The following PLPP3 variants were observed in gnomAD, a reference collection of about 807,000 sequenced individuals.
PLPP3 encodes PAP2 beta.
In PLPP3, 6 loss-of-function variants were observed where a neutral mutation model predicts 29.6. The observed-to-expected ratio is 0.20, with a 90% CI of 0.11 to 0.40. The LOEUF is 0.40. Ranked by LOEUF, PLPP3 falls within the 10% of genes least tolerant of loss-of-function variation. The pLI is 1.00. For missense variants in PLPP3, 308 were observed against 407.7 expected (o/e 0.76, Z 2.11); for synonymous variants, 152 against 159.7 (o/e 0.95, Z 0.36).
chr1:56,571,762 C>T (rs973973396), intron 1 of PLPP3, among the ~76,000 whole-genome samples: 2 of 151,040 alleles, frequency 1.3e-5, no homozygotes, highest in African/African-American at 5.0e-5. Flanking sequence ...GCTTTGATTG[C>T]ATTAATTGCA....
Position 56,540,451 on chromosome 1 carries a change from A to C in PLPP3, c.140-3339T>G, listed in dbSNP as rs1645960667. On this transcript the variant is annotated intron_variant, in intron 1 of 5. Coordinates refer to ENST00000371250, the MANE Select transcript of PLPP3 (RefSeq NM_003713.5). ...GAATGTTAAAAAGAGAAGGGAAAAA[A>C]GCCTCACAGAGAAGGCAAGGGAAAA... 2.6e-5 allele frequency among the ~76,000 whole-genome samples: 4 copies of C among 152,124 alleles called. No individual in the cohort carries two copies. The South Asian group carries it at 8.3e-4, about 32-fold the overall frequency.
At chr1:56,576,605 A>G (rs969941413) in intron 1 of PLPP3, among the ~76,000 whole-genome samples, 4 of 152,222 alleles carry the variant, frequency 2.6e-5, no homozygotes, top group African/African-American at 9.6e-5. Flanking sequence ...TTTTAATGGC[A>G]AAGCACCCCT....
chr1:56,506,696 G>A (rs867243483), intron 5 of PLPP3, among the ~76,000 whole-genome samples: 6 of 152,264 alleles, frequency 3.9e-5, no homozygotes, highest in South Asian at 4.1e-4. Context: ...CTGTTCCTTC[G>A]TCCTAGTCCC....
At chr1:56,532,073 T>G (rs1237583122) in intron 2 of PLPP3, among the ~76,000 whole-genome samples, 1 of 152,204 alleles carries the variant, frequency 6.6e-6, no homozygotes, top group African/African-American at 2.4e-5. Context: ...GAAGAATTGC[T>G]GCTGTTCTCA....
At chr1:56,574,321 C>T (rs1036638430) in intron 1 of PLPP3, among the ~76,000 whole-genome samples, 3 of 152,152 alleles carry the variant, frequency 2.0e-5, no homozygotes, top group Non-Finnish European at 4.4e-5. Flanking sequence ...ACAATCATGG[C>T]TCACTGCAGC....
chr1:56,553,315 C>G lies in PLPP3; in HGVS notation c.140-16203G>C, dbSNP rs140736895. ...ATGTCTGGGGAAGGGAGTGGCACGG[C>G]AAGGCTGTGTTTTAGAAAGTACACC... On this transcript the variant is annotated intron_variant, in intron 1 of 5. Transcript: ENST00000371250. Among the ~76,000 whole-genome samples, 1,281 of 152,244 alleles carry G rather than the reference C, an allele frequency of 8.4e-3. 13 individuals are homozygous for G. Among genetic ancestry groups the G allele is most frequent in the African/African-American group, 0.029 (1,223 of 41,538 alleles).
At chr1:56,529,297 C>T (rs1260035315) in intron 2 of PLPP3, among the ~76,000 whole-genome samples, 6 of 152,118 alleles carry the variant, frequency 3.9e-5, no homozygotes, top group African/African-American at 1.2e-4. Context: ...CCAATGGCAT[C>T]GAGCTGGCTT....
rs1645625002 is a variant in PLPP3 at position 56,495,407 on chromosome 1, T to C, written c.*1144A>G. 1 of 152,806 alleles carries C rather than the reference T, an allele frequency of 6.5e-6. No homozygotes were observed. The highest frequency in any genetic ancestry group is 2.1e-4 in the South Asian group (1 of 4,832). 9.5% of individuals were successfully genotyped at this position (152,806 alleles called of 1,614,324 possible). ...ACTCTCTACCGAGATTTAACCCATA[T>C]GTTCTGCCCAGCAGAACCTACCAAG... On this transcript the variant is annotated 3_prime_UTR_variant, in exon 6 of 6. Transcript: ENST00000371250.
At chr1:56,550,886 T>C (rs1646033648) in intron 1 of PLPP3, among the ~76,000 whole-genome samples, 1 of 152,284 alleles carries the variant, frequency 6.6e-6, no homozygotes, top group African/African-American at 2.4e-5. Context: ...TTTGTGGAAG[T>C]GGCCTTGAAA....
intron 1 of PLPP3, among the ~76,000 whole-genome samples, chr1:56,545,915 C>A (rs372751399): frequency 1.3e-5 from 2 of 152,148 alleles, no homozygotes; most frequent in South Asian, 2.1e-4. Context: ...TTATGGGAGG[C>A]CCTGCAAGAA....
At chr1:56,552,956 G>C (rs1646050656) in intron 1 of PLPP3, among the ~76,000 whole-genome samples, 1 of 152,172 alleles carries the variant, frequency 6.6e-6, no homozygotes, top group African/African-American at 2.4e-5. Flanking sequence ...TGCGAATGAA[G>C]AAAGTCCCTT....
intron 1 of PLPP3, among the ~76,000 whole-genome samples, chr1:56,557,930 C>G (rs891454621): frequency 1.8e-4 from 28 of 152,148 alleles, no homozygotes; most frequent in African/African-American, 6.8e-4. Context: ...CCTCAAAAGG[C>G]CCTTTGTTTG....
intron 5 of PLPP3, among the ~76,000 whole-genome samples, chr1:56,507,873 A>T (rs1251800624): frequency 6.6e-6 from 1 of 152,154 alleles, no homozygotes; most frequent in Non-Finnish European, 1.5e-5. Flanking sequence ...AGAGAGAGGG[A>T]GAAGTGAAGA....
intron 5 of PLPP3, among the ~76,000 whole-genome samples, chr1:56,510,436 T>G (rs138178065): frequency 1.1e-4 from 16 of 152,358 alleles, no homozygotes; most frequent in African/African-American, 3.8e-4. Context: ...GGGATTCCCA[T>G]GTCAAAGGCT....
intron 4 of PLPP3, chr1:56,513,779 A>G (rs1645762500): frequency 6.6e-6 from 1 of 150,480 alleles, no homozygotes; most frequent in East Asian, 1.9e-4. Context: ...AACAAGGGAT[A>G]AAAACAATGG....
intron 2 of PLPP3, among the ~76,000 whole-genome samples, chr1:56,535,207 C>G (rs1442526432): frequency 1.3e-5 from 2 of 152,094 alleles, no homozygotes; most frequent in Non-Finnish European, 2.9e-5. Context: ...GGTTAATTTG[C>G]CACATGGTCC....
Position 56,553,457 on chromosome 1 carries a change from C to T in PLPP3, c.140-16345G>A, listed in dbSNP as rs548530251. Among the ~76,000 whole-genome samples the T allele has an allele frequency of 4.6e-5, 7 of 152,290 alleles. No homozygotes were observed. In the South Asian group the frequency reaches 1.4e-3, roughly 32 times the overall value. On this transcript the variant is annotated intron_variant, in intron 1 of 5. Coordinates refer to ENST00000371250, the MANE Select transcript of PLPP3 (RefSeq NM_003713.5). ...AGGAAAAGCCTTCTGCACTTGGAGA[C>T]ACATCCCATCCACCCTGAATGAGGT...
intron 1 of PLPP3, among the ~76,000 whole-genome samples, chr1:56,572,761 G>T (rs560516632): frequency 6.6e-6 from 1 of 152,186 alleles, no homozygotes; most frequent in South Asian, 2.1e-4. Context: ...ATGAAAATTC[G>T]ACTCTATGAA....
chr1:56,523,971 T>A, intron 3 of PLPP3, 91 bp from the exon 4 acceptor site: 1 of 1,438,068 alleles, frequency 7.0e-7, no homozygotes, highest in Non-Finnish European at 9.7e-7. Flanking sequence ...ACTGTAACCT[T>A]GAGAGCAGGC....
Sources: allele counts gnomAD v4.1 joint callset (sites outside exome capture counted in the v4.1 genomes callset), GRCh38; gene constraint gnomAD v4.1.1; transcripts MANE v1.5; gene names NCBI Gene and HGNC (gene_info 2026-07-23, HGNC 2026-07-21).